Variants in MAF observed in about 807,000 individuals in gnomAD.
The protein encoded by MAF is MAF bZIP transcription factor.
In MAF, 10 loss-of-function variants were observed where a neutral mutation model predicts 22.0. That is an observed-to-expected ratio of 0.45 (90% confidence interval 0.28 to 0.77). MAF has a LOEUF of 0.77. Among genes scored for constraint, MAF ranks in the 30% least tolerant of loss-of-function variants. The probability of loss-of-function intolerance (pLI) is 0.12; values close to 1 mark genes in which losing one functional copy is unlikely to be tolerated. For missense variants in MAF, 544 were observed against 548.4 expected (o/e 0.99, Z 0.08); for synonymous variants, 337 against 255.8 (o/e 1.32, Z -3.03).
the MAF span, among the ~76,000 whole-genome samples, chr16:79,429,406 G>A: frequency 6.6e-6 from 1 of 152,126 alleles, no homozygotes; most frequent in Non-Finnish European, 1.5e-5. Flanking sequence ...CTTCATCTAC[G>A]CAGCGTTTTC....
intron 1 of MAF, among the ~76,000 whole-genome samples, chr16:79,586,532 A>G (rs1912852608): frequency 2.0e-5 from 3 of 152,202 alleles, no homozygotes; most frequent in African/African-American, 7.2e-5. Flanking sequence ...TGCCCTGTTT[A>G]AATTAGTAGC....
the MAF span, among the ~76,000 whole-genome samples, chr16:79,295,096 G>GAGGGGGC: frequency 6.7e-6 from 1 of 149,982 alleles, no homozygotes; most frequent in Non-Finnish European, 1.5e-5. Flanking sequence ...GGGGGTGGGG[G>GAGGGGGC]AGGGGGCAGG....
At chr16:79,509,993 G>A in the MAF span, among the ~76,000 whole-genome samples, 3 of 152,186 alleles carry the variant, frequency 2.0e-5, no homozygotes, top group African/African-American at 7.2e-5. Context: ...GTAGGAAGCA[G>A]GGACTCTTCC....
the MAF span, among the ~76,000 whole-genome samples, chr16:79,239,230 T>C: frequency 5.1e-3 from 775 of 152,214 alleles, 9 homozygotes; most frequent in Admixed American, 0.011. Context: ...CTGGAACATT[T>C]GCATGGGTGC....
At chr16:79,563,633 T>C in the MAF span, among the ~76,000 whole-genome samples, 1 of 151,526 alleles carries the variant, frequency 6.6e-6, no homozygotes, top group Non-Finnish European at 1.5e-5. Context: ...GCTGTTTCTC[T>C]TTACTTTTTT....
the MAF span, among the ~76,000 whole-genome samples, chr16:79,507,325 C>T: frequency 2.0e-5 from 3 of 150,142 alleles, no homozygotes; most frequent in African/African-American, 2.5e-5. Flanking sequence ...ATTGTGTCAG[C>T]GAGGATGGTC....
At chr16:79,404,159 A>ATTTT in the MAF span, among the ~76,000 whole-genome samples, 1 of 119,952 alleles carries the variant, frequency 8.3e-6, no homozygotes, top group African/African-American at 3.5e-5. Flanking sequence ...TACCGTCTGG[A>ATTTT]TTTTCTTTTT....
chr16:79,502,712 T>A, the MAF span, among the ~76,000 whole-genome samples: 33 of 31,118 alleles, frequency 1.1e-3, 1 homozygote, highest in African/African-American at 2.8e-3. Flanking sequence ...AATATAAATA[T>A]ATATATATAT....
the MAF span, among the ~76,000 whole-genome samples, chr16:79,226,716 C>G: frequency 6.6e-6 from 1 of 151,984 alleles, no homozygotes; most frequent in Admixed American, 6.6e-5. Flanking sequence ...ATGTGGATGA[C>G]ATTTTTTTCT....
the MAF span, among the ~76,000 whole-genome samples, chr16:79,485,953 T>C: frequency 2.0e-4 from 30 of 152,210 alleles, no homozygotes; most frequent in African/African-American, 7.0e-4. Flanking sequence ...GATGGAACTC[T>C]ATAAGGATCT....
chr16:79,214,769 G>A, the MAF span, among the ~76,000 whole-genome samples: 2 of 122,546 alleles, frequency 1.6e-5, 1 homozygote, highest in South Asian at 5.6e-4. Context: ...CTAGAGTGCA[G>A]TGGCGTGATT....
the MAF span, among the ~76,000 whole-genome samples, chr16:79,438,655 A>G: frequency 1.3e-5 from 2 of 152,148 alleles, no homozygotes. Context: ...CAGTTTTCTA[A>G]GTCTGCACAG....
chr16:79,228,162 C>G, the MAF span, among the ~76,000 whole-genome samples: 5 of 152,184 alleles, frequency 3.3e-5, no homozygotes, highest in Non-Finnish European at 7.4e-5. Context: ...TTCTGCCTCC[C>G]AAAGGGAGGT....
the MAF span, among the ~76,000 whole-genome samples, chr16:79,530,958 C>T: frequency 2.0e-5 from 3 of 152,108 alleles, no homozygotes; most frequent in South Asian, 6.2e-4. Context: ...GGGAGAGGCC[C>T]AAAGGGAAGG....
At chr16:79,526,212 A>G in the MAF span, among the ~76,000 whole-genome samples, 1 of 152,030 alleles carries the variant, frequency 6.6e-6, no homozygotes, top group South Asian at 2.1e-4. Context: ...GTGGAAGACA[A>G]TTTTTCCATG....
chr16:79,352,710 C>T, the MAF span, among the ~76,000 whole-genome samples: 6 of 152,312 alleles, frequency 3.9e-5, no homozygotes, highest in Admixed American at 3.3e-4. Context: ...CAGGGCTTCT[C>T]GGCCTCAGTG....
At chr16:79,554,052 G>A in the MAF span, among the ~76,000 whole-genome samples, 5 of 152,046 alleles carry the variant, frequency 3.3e-5, no homozygotes, top group Non-Finnish European at 5.9e-5. Context: ...TCATGCCACT[G>A]GACTCCATGC....
At chr16:79,522,135 G>A in the MAF span, among the ~76,000 whole-genome samples, 1 of 152,136 alleles carries the variant, frequency 6.6e-6, no homozygotes, top group Non-Finnish European at 1.5e-5. Flanking sequence ...GAGATTCAGA[G>A]GGGTTGAGCA....
the MAF span, among the ~76,000 whole-genome samples, chr16:79,343,708 G>GATTATGTCT: frequency 3.3e-5 from 5 of 152,122 alleles, no homozygotes; most frequent in African/African-American, 9.7e-5. Flanking sequence ...ATGTCATCTG[G>GATTATGTCT]ATTATGTCTC....
Sources: gnomAD v4.1 joint callset for allele counts (sites outside exome capture counted in the v4.1 genomes callset) on GRCh38, gnomAD v4.1.1 for gene constraint, MANE v1.5 for transcripts, NCBI Gene and HGNC (gene_info 2026-07-23, HGNC 2026-07-21) for gene names.